CTNND2: variants seen among roughly 807,000 people sequenced by gnomAD.
CTNND2 encodes catenin delta-2.
Under a neutral mutation model 144.4 loss-of-function variants are expected in CTNND2, and 22 were observed. That is an observed-to-expected ratio of 0.15 (90% CI 0.11 to 0.22). CTNND2 has a LOEUF of 0.22. Among genes scored for constraint, CTNND2 ranks in the 10% least tolerant of loss-of-function variants. CTNND2 has a pLI of 1.00. For missense variants in CTNND2, 1,353 were observed against 1,618.8 expected, an observed-to-expected ratio of 0.84 and a Z score of 2.82; for synonymous variants, 751 against 695.6, an observed-to-expected ratio of 1.08 and a Z score of -1.25.
intron 9 of CTNND2, among the ~76,000 whole-genome samples, chr5:11,338,457 T>G (rs1753934823): frequency 6.6e-6 from 1 of 152,196 alleles, no homozygotes; most frequent in African/African-American, 2.4e-5. Flanking sequence ...CACATGGATT[T>G]GGAAGAGAAG....
At chr5:11,403,606 G>T (rs570977986) in intron 5 of CTNND2, among the ~76,000 whole-genome samples, 1 of 152,162 alleles carries the variant, frequency 6.6e-6, no homozygotes, top group South Asian at 2.1e-4. Context: ...ACCTTACAAA[G>T]TTTTGTCTTT....
At chr5:11,040,310 C>T (rs976945589) in intron 16 of CTNND2, among the ~76,000 whole-genome samples, 1 of 152,034 alleles carries the variant, frequency 6.6e-6, no homozygotes, top group African/African-American at 2.4e-5. Flanking sequence ...ATTTCACATG[C>T]CCGAATTGGT....
intron 12 of CTNND2, among the ~76,000 whole-genome samples, chr5:11,127,313 C>G (rs953835505): frequency 6.6e-6 from 1 of 152,214 alleles, no homozygotes; most frequent in Non-Finnish European, 1.5e-5. Flanking sequence ...AAATCCTGGG[C>G]CATCCCTCAC....
Position 10,988,368 on chromosome 5 carries a change from T to TTTTC in CTNND2, c.3212-130_3212-127dup. The TTTTC allele has an allele frequency of 8.4e-7, 1 of 1,193,976 alleles. No individual in the cohort carries two copies. The highest frequency in any genetic ancestry group is 1.5e-5 in the South Asian group (1 of 64,582). The allele number at this position is 1,193,976 out of a possible 1,614,324, so 74.0% of individuals were successfully genotyped here. ...AATGCCTACGTGAGGACCTGATGGG[T>TTTTC]TTTCTTTTTAATTTTTATTTTTTGG... On this transcript the variant is annotated intron_variant, in intron 19 of 21. Coordinates refer to ENST00000304623, the MANE Select transcript of CTNND2 (RefSeq NM_001332.4). This position sits in a 1 kb window ranked among gnomAD's most constrained non-coding sequence, Gnocchi z 5.9.
Position 11,892,299 on chromosome 5 carries a change from T to C in CTNND2, c.37+11518A>G, listed in dbSNP as rs190262990. The stretch of plus-strand genomic sequence containing the variant: ...ATACTGGGATGAATAGCCTACCTTA[T>C]TTGTCTTCTCGATGCCTTCTAATCA... On this transcript the variant is annotated intron_variant, in intron 1 of 21. Transcript: ENST00000304623. 4.3e-3 allele frequency among the ~76,000 whole-genome samples: 650 copies of C among 152,328 alleles called. 3 individuals are homozygous for C. Among genetic ancestry groups the C allele is most frequent in the Non-Finnish European group, 7.7e-3 (526 of 68,030 alleles).
intron 2 of CTNND2, among the ~76,000 whole-genome samples, chr5:11,625,544 T>G (rs547723947): frequency 5.0e-4 from 76 of 152,180 alleles, no homozygotes; most frequent in African/African-American, 1.8e-3. Flanking sequence ...ACAAAATCTT[T>G]GCAATCATGG....
intron 6 of CTNND2, among the ~76,000 whole-genome samples, chr5:11,396,553 T>A (rs1360933466): frequency 2.0e-5 from 3 of 152,330 alleles, no homozygotes; most frequent in South Asian, 2.1e-4. Flanking sequence ...CTCATCACAA[T>A]CATTTTCCAA....
At chr5:11,428,173 G>A (rs114814711) in intron 3 of CTNND2, among the ~76,000 whole-genome samples, 3,450 of 152,158 alleles carry the variant, frequency 0.023, 123 homozygotes, top group African/African-American at 0.072. Flanking sequence ...GAGACTTGGT[G>A]GGGACACAGC....
intron 9 of CTNND2, among the ~76,000 whole-genome samples, chr5:11,321,879 G>C (rs73743757): frequency 0.012 from 1,753 of 152,122 alleles, 44 homozygotes; most frequent in African/African-American, 0.041. Flanking sequence ...GCTTCCTAAA[G>C]CTTAACCCTA....
At chr5:11,715,673 C>G (rs983416434) in intron 2 of CTNND2, among the ~76,000 whole-genome samples, 1 of 152,128 alleles carries the variant, frequency 6.6e-6, no homozygotes, top group South Asian at 2.1e-4. Flanking sequence ...TTAAAGGCAT[C>G]TTATAAATGT....
chr5:11,149,499 G>A (rs1757550874), intron 12 of CTNND2, among the ~76,000 whole-genome samples: 1 of 152,110 alleles, frequency 6.6e-6, no homozygotes, highest in African/African-American at 2.4e-5. Flanking sequence ...GCTACTTTCT[G>A]GTAATAAGTT....
At chr5:11,501,824 T>C (rs911317197) in intron 3 of CTNND2, among the ~76,000 whole-genome samples, 2 of 146,858 alleles carry the variant, frequency 1.4e-5, no homozygotes, top group South Asian at 2.1e-4. Flanking sequence ...CTGGCTAACA[T>C]GGTGAAATCC....
At chr5:11,593,547 G>A (rs576610559) in intron 2 of CTNND2, among the ~76,000 whole-genome samples, 3 of 152,288 alleles carry the variant, frequency 2.0e-5, no homozygotes, top group African/African-American at 7.2e-5. Flanking sequence ...CCTGGTGGGA[G>A]GTAACTGAAT....
chr5:11,355,443 G>A (rs1580998187), intron 8 of CTNND2, among the ~76,000 whole-genome samples: 2 of 152,028 alleles, frequency 1.3e-5, no homozygotes, highest in East Asian at 3.9e-4. Context: ...CTGCAAATAA[G>A]TTGATAAAAT....
In CTNND2 at chr5:10,971,852, T is replaced by C. The variant is rs768235307; in HGVS notation, c.*1601A>G. ...GGCAGCCAATTTCTTTTGTTACTGA[T>C]GTTTTTATTTTTTCCAAGAACAGTT... On this transcript the variant is annotated 3_prime_UTR_variant, in exon 22 of 22. Transcript: ENST00000304623. 11 of 152,748 alleles carry C rather than the reference T, an allele frequency of 7.2e-5. No individual in the cohort carries two copies. Among genetic ancestry groups the C allele is most frequent in the Non-Finnish European group, 1.6e-4 (11 of 68,032 alleles). 9.5% of individuals were successfully genotyped at this position (152,748 alleles called of 1,614,324 possible). A position where few individuals can be genotyped will look rare whatever the true frequency, so the allele number is the denominator to read the frequency against.
intron 16 of CTNND2, among the ~76,000 whole-genome samples, chr5:11,079,028 TC>T (rs1383888401): frequency 6.6e-5 from 10 of 152,358 alleles, no homozygotes; most frequent in South Asian, 2.1e-4. Flanking sequence ...TTATGGTTTT[TC>T]TTGGAGGATA....
At chr5:11,638,637 C>T (rs1182705282) in intron 2 of CTNND2, among the ~76,000 whole-genome samples, 1 of 152,146 alleles carries the variant, frequency 6.6e-6, no homozygotes. Flanking sequence ...GCAGTGGTGC[C>T]ATCTTGGCTC....
chr5:10,983,582 C>T (rs1041125940), intron 20 of CTNND2, among the ~76,000 whole-genome samples: 2 of 151,502 alleles, frequency 1.3e-5, no homozygotes, highest in African/African-American at 4.9e-5. Context: ...ATTTTAAAGA[C>T]CATTCTGTTA....
chr5:11,786,685 T>C (rs1239727516), intron 1 of CTNND2, among the ~76,000 whole-genome samples: 4 of 152,118 alleles, frequency 2.6e-5, no homozygotes, highest in Non-Finnish European at 5.9e-5. Flanking sequence ...AAGGAGAAAA[T>C]GGACTTTTCC....
Sources: gnomAD v4.1 joint callset for allele counts (sites outside exome capture counted in the v4.1 genomes callset) on GRCh38, gnomAD v4.1.1 for gene constraint, Gnocchi (gnomAD v3.1) non-coding constraint, MANE v1.5 for transcripts, NCBI Gene and HGNC (gene_info 2026-07-23, HGNC 2026-07-21) for gene names.